The following BCAS1 variants were observed in gnomAD, a reference collection of about 807,000 sequenced individuals.
BCAS1 encodes the protein breast carcinoma-amplified sequence 1.
In BCAS1, 46 loss-of-function variants were observed where a neutral mutation model predicts 65.4. That is an observed-to-expected ratio of 0.70 (90% CI 0.55 to 0.90). BCAS1 has a LOEUF of 0.90. BCAS1 is among the 40% of genes least tolerant of loss of function. The probability of loss-of-function intolerance (pLI) is 0.00; values close to 1 mark genes in which losing one functional copy is unlikely to be tolerated. For synonymous variants in BCAS1, 298 were observed against 293.5 expected (o/e 1.02, Z -0.16); for missense variants, 793 against 771.2 (o/e 1.03, Z -0.33).
chr20:54,046,577 C>G (rs1234596150), intron 3 of BCAS1, among the ~76,000 whole-genome samples: 2 of 147,236 alleles, frequency 1.4e-5, no homozygotes, highest in Non-Finnish European at 3.0e-5. Context: ...GGTGCAGTGG[C>G]TCATACCTGT....
intron 3 of BCAS1, among the ~76,000 whole-genome samples, chr20:54,038,303 A>G (rs1392345064): frequency 6.6e-6 from 1 of 151,288 alleles, no homozygotes; most frequent in Non-Finnish European, 1.5e-5. Flanking sequence ...TTTATTCTCT[A>G]GACTCCACAG....
chr20:54,017,285 G>A (rs2091458601), intron 4 of BCAS1, among the ~76,000 whole-genome samples: 1 of 152,088 alleles, frequency 6.6e-6, no homozygotes, highest in South Asian at 2.1e-4. Flanking sequence ...GCAATAAAAT[G>A]TTCTTCTCTT....
chr20:54,069,891 A>G (rs2092494044), intron 1 of BCAS1, among the ~76,000 whole-genome samples: 1 of 152,222 alleles, frequency 6.6e-6, no homozygotes, highest in Non-Finnish European at 1.5e-5. Context: ...TCAGAGGGAG[A>G]TGTAAACAGC....
At position 54,028,822 on chromosome 20, in the gene BCAS1, A is replaced by C. The variant is rs2091737627; in HGVS notation, c.293T>G (p.Met98Arg). The C allele has an allele frequency of 6.2e-7, 1 of 1,613,934 alleles. No homozygotes were observed. The highest frequency in any genetic ancestry group is 8.5e-7 in the Non-Finnish European group (1 of 1,180,024). Residue 98 changes from methionine to arginine, a missense_variant, in exon 4 of 13, where the codon ATG becomes AGG. Transcript: ENST00000688948. Reference protein sequence around the residue: ...APAAKSRFFLMLSRPVPGRTG... With the variant: ...APAAKSRFFLRLSRPVPGRTG... ...ACGTCCTGGTACAGGCCGAGAGAGC[A>C]TCAAGAAAAAACGAGATTTAGCAGC...
intron 4 of BCAS1, among the ~76,000 whole-genome samples, chr20:54,020,039 G>A (rs1260273538): frequency 6.6e-6 from 1 of 152,160 alleles, no homozygotes; most frequent in African/African-American, 2.4e-5. Flanking sequence ...TGTCCCTTTG[G>A]AGAACCCTGA....
chr20:53,967,197 C>A lies in BCAS1; in HGVS notation c.1318-124G>T, dbSNP rs532261400. ...GTAGCTACAGTTTTGAATCTATGAC[C>A]ATTTCTACACAGGCACATCTTGGAG... is the stretch of plus-strand genomic sequence containing the variant. On this transcript the variant is annotated intron_variant, in intron 9 of 12. Coordinates refer to ENST00000688948, the MANE Select transcript of BCAS1 (RefSeq NM_001366298.2). The A allele has an allele frequency of 4.3e-6, 4 of 921,730 alleles. No individual in the cohort carries two copies. The East Asian group carries it at 1.0e-4, about 24-fold the overall frequency. The allele number at this position is 921,730 out of a possible 1,614,324, so 57.1% of individuals were successfully genotyped here.
At chr20:54,049,961 A>G (rs530869108) in intron 3 of BCAS1, among the ~76,000 whole-genome samples, 7 of 152,298 alleles carry the variant, frequency 4.6e-5, no homozygotes, top group Non-Finnish European at 8.8e-5. Flanking sequence ...AATTATCCCA[A>G]ATGCCCCAGC....
chr20:53,999,706 T>G (rs549614079), intron 4 of BCAS1, among the ~76,000 whole-genome samples: 37 of 152,240 alleles, frequency 2.4e-4, no homozygotes, highest in Non-Finnish European at 5.1e-4. Flanking sequence ...GTGACCTTAC[T>G]TCTTTCAAGT....
chr20:53,999,516 G>A (rs927596527), intron 4 of BCAS1, among the ~76,000 whole-genome samples: 2 of 152,110 alleles, frequency 1.3e-5, no homozygotes, highest in Non-Finnish European at 1.5e-5. Context: ...CATTCCTGGA[G>A]AAGTGCCCCT....
In BCAS1 at chr20:53,985,770, T is replaced by G. The variant is rs1288564971; in HGVS notation, c.1063-271A>C. On this transcript the variant is annotated intron_variant, in intron 7 of 12. Coordinates refer to ENST00000688948, the MANE Select transcript of BCAS1 (RefSeq NM_001366298.2). ...AACTCATTAGGAATCAAGGTGGTGG[T>G]AAGAGACCCTTTGCTGTTAGAATAT... Among the ~76,000 whole-genome samples the G allele has an allele frequency of 3.3e-5, 5 of 152,334 alleles. No homozygotes were observed. The South Asian group carries it at 1.0e-3, about 32-fold the overall frequency.
chr20:54,017,458 C>T (rs908627697), intron 4 of BCAS1, among the ~76,000 whole-genome samples: 8 of 149,376 alleles, frequency 5.4e-5, no homozygotes, highest in South Asian at 2.1e-4. Flanking sequence ...TGCAGTGGTG[C>T]GATCTCGGCT....
At position 54,035,901 on chromosome 20, in the gene BCAS1, C is replaced by T. The variant is rs770221303; in HGVS notation, c.143-6929G>A. Among the ~76,000 whole-genome samples the T allele has an allele frequency of 1.9e-4, 28 of 151,108 alleles. 2 individuals are homozygous for T. Among genetic ancestry groups the T allele is most frequent in the Admixed American group, 1.3e-4 (2 of 15,116 alleles). ...AAAAAGAACGAGATCATGTCCTTTG[C>T]AGGAACATGAATGGAGCTGAAGGCC... On this transcript the variant is annotated intron_variant, in intron 3 of 12. Coordinates refer to ENST00000688948, the MANE Select transcript of BCAS1 (RefSeq NM_001366298.2).
chr20:54,054,445 C>A (rs1336171329), intron 3 of BCAS1, among the ~76,000 whole-genome samples: 6 of 152,116 alleles, frequency 3.9e-5, no homozygotes, highest in Admixed American at 2.6e-4. Flanking sequence ...TCAAATAATT[C>A]TCTCTGAAGG....
intron 3 of BCAS1, among the ~76,000 whole-genome samples, chr20:54,056,075 C>T (rs2146312069): frequency 6.6e-6 from 1 of 152,222 alleles, no homozygotes; most frequent in East Asian, 1.9e-4. Flanking sequence ...CATACTTTCA[C>T]TCATAAGATG....
chr20:53,961,577 C>G (rs390573), intron 10 of BCAS1, among the ~76,000 whole-genome samples: 111,885 of 152,180 alleles, frequency 0.74, 41,444 homozygotes, highest in East Asian at 0.94. Flanking sequence ...CTTCTCCTTT[C>G]CCTTATTGTC....
In BCAS1 at chr20:54,029,128, T is replaced by C. The variant is rs540891115; in HGVS notation, c.143-156A>G. ...GAAAGGCAGAAGTTAGCTCTCTACA[T>C]CTCCTTGGACCCTGCTTTTCTTGGG... is the stretch of plus-strand genomic sequence containing the variant. On this transcript the variant is annotated intron_variant, in intron 3 of 12. Coordinates refer to ENST00000688948, the MANE Select transcript of BCAS1 (RefSeq NM_001366298.2). 14 of 985,360 alleles carry C rather than the reference T, an allele frequency of 1.4e-5. No homozygotes were observed. The South Asian group carries it at 5.2e-4, about 36-fold the overall frequency. The allele number at this position is 985,360 out of a possible 1,614,324, so 61.0% of individuals were successfully genotyped here. A position where few individuals can be genotyped will look rare whatever the true frequency, so the allele number is the denominator to read the frequency against.
intron 4 of BCAS1, among the ~76,000 whole-genome samples, chr20:54,010,454 G>A (rs1029615928): frequency 1.3e-5 from 2 of 152,122 alleles, no homozygotes; most frequent in Non-Finnish European, 2.9e-5. Flanking sequence ...TACTAGGAAT[G>A]AACCCATGGG....
At chr20:54,014,813 AAT>A (rs1245919806) in intron 4 of BCAS1, among the ~76,000 whole-genome samples, 1 of 152,194 alleles carries the variant, frequency 6.6e-6, no homozygotes, top group Non-Finnish European at 1.5e-5. Context: ...GCTGGACAAC[AAT>A]AGTCTCTGGA....
At position 54,007,301 on chromosome 20, in the gene BCAS1, T is replaced by C. The variant is rs117452428; in HGVS notation, c.724-11251A>G. ...TGAACTTTCTCAAAACAAAATGGAA[T>C]ACAGTGATGTCAGCTGAAGGGACTA... On this transcript the variant is annotated intron_variant, in intron 4 of 12. Coordinates refer to ENST00000688948, the MANE Select transcript of BCAS1 (RefSeq NM_001366298.2). Among the ~76,000 whole-genome samples, 66 of 152,318 alleles carry C rather than the reference T, an allele frequency of 4.3e-4. 1 individual carries two copies. The East Asian group carries it at 0.011, about 24-fold the overall frequency.
Sources: allele counts gnomAD v4.1 joint callset (sites outside exome capture counted in the v4.1 genomes callset), GRCh38; gene constraint gnomAD v4.1.1; transcripts MANE v1.5; gene names NCBI Gene and HGNC (gene_info 2026-07-23, HGNC 2026-07-21).